Variants in TYW1 observed in about 807,000 individuals in gnomAD.
The protein encoded by TYW1 is S-adenosyl-L-methionine-dependent tRNA 4-demethylwyosine synthase TYW1.
A neutral mutation model predicts 96.2 loss-of-function variants in TYW1; 46 were observed. The observed-to-expected ratio is 0.48, with a 90% confidence interval of 0.38 to 0.61. The LOEUF is 0.61. Ranked by LOEUF, TYW1 falls within the 20% of genes least tolerant of loss-of-function variation. The pLI is 0.00. For missense variants in TYW1, 684 were observed against 909.6 expected, an observed-to-expected ratio of 0.75 and a Z score of 3.19; for synonymous variants, 274 against 323.0, an observed-to-expected ratio of 0.85 and a Z score of 1.63.
chr7:67,066,551 T>C (rs751498049), intron 9 of TYW1, among the ~76,000 whole-genome samples: 4 of 152,196 alleles, frequency 2.6e-5, no homozygotes, highest in Non-Finnish European at 4.4e-5. Context: ...GTCTCAAATA[T>C]GTATGCTCCA....
chr7:67,157,194 T>C (rs547286832), intron 13 of TYW1, among the ~76,000 whole-genome samples: 1 of 152,204 alleles, frequency 6.6e-6, no homozygotes, highest in African/African-American at 2.4e-5. Flanking sequence ...AGAATTCCCA[T>C]GCACACCCCC....
intron 15 of TYW1, among the ~76,000 whole-genome samples, chr7:67,234,595 C>A (rs1801829807): frequency 6.6e-6 from 1 of 151,878 alleles, no homozygotes; most frequent in South Asian, 2.1e-4. Context: ...TTACGGCAGC[C>A]TGAGCTAATA....
intron 4 of TYW1, among the ~76,000 whole-genome samples, chr7:67,013,471 A>G (rs1244490940): frequency 6.6e-5 from 10 of 152,020 alleles, no homozygotes; most frequent in Non-Finnish European, 1.5e-5. Flanking sequence ...GCCTGAGGAG[A>G]TGGTAATGGA....
intron 1 of TYW1, among the ~76,000 whole-genome samples, chr7:66,997,414 C>G (rs2129234533): frequency 6.6e-6 from 1 of 152,190 alleles, no homozygotes; most frequent in East Asian, 1.9e-4. Flanking sequence ...AAAAAGAGTG[C>G]TTTTACTACT....
At chr7:67,140,145 C>T (rs1798400390) in intron 13 of TYW1, among the ~76,000 whole-genome samples, 1 of 151,966 alleles carries the variant, frequency 6.6e-6, no homozygotes, top group African/African-American at 2.4e-5. Context: ...GAGACTTATT[C>T]ACTATCATGA....
rs187465919 is a variant in TYW1 at position 67,002,416 on chromosome 7, G to C, written c.273+3462G>C. Among the ~76,000 whole-genome samples, 82 of 152,070 alleles carry C rather than the reference G, an allele frequency of 5.4e-4. No individual in the cohort carries two copies. The East Asian group carries it at 7.0e-3, about 13-fold the overall frequency. On this transcript the variant is annotated intron_variant, in intron 3 of 15. Transcript: ENST00000359626. Reference sequence around the variant, plus strand: ...ATTTCTTCATTCTGCTGTTGGATTTGATTGATTCATATTTGGTCGTGTGTA... The same window carrying C: ...ATTTCTTCATTCTGCTGTTGGATTTCATTGATTCATATTTGGTCGTGTGTA...
chr7:67,179,880 C>A (rs1229988540), intron 13 of TYW1, among the ~76,000 whole-genome samples: 1 of 68,974 alleles, frequency 1.4e-5, no homozygotes, highest in Non-Finnish European at 2.9e-5. Flanking sequence ...TTTTTTTTGG[C>A]GGGGGACAGG....
Position 66,996,922 on chromosome 7 carries a change from G to A in TYW1, c.-57G>A, listed in dbSNP as rs2129234043. On this transcript the variant is annotated 5_prime_UTR_variant, in exon 1 of 16. Coordinates refer to ENST00000359626, the MANE Select transcript of TYW1 (RefSeq NM_018264.4). The stretch of plus-strand genomic sequence containing the variant: ...GCTCGGTGCGTCTCGCGGTACCAGT[G>A]CGAATCATCGGGCTATCCAGGTCCG... 2.5e-6 allele frequency: 4 copies of A among 1,613,190 alleles called. No individual in the cohort carries two copies. Among genetic ancestry groups the A allele is most frequent in the East Asian group, 2.2e-5 (1 of 44,854 alleles).
intron 3 of TYW1, among the ~76,000 whole-genome samples, chr7:67,008,840 T>G (rs898508523): frequency 6.6e-6 from 1 of 152,006 alleles, no homozygotes; most frequent in Admixed American, 6.6e-5. Context: ...TTTTGTATTT[T>G]TAGTAGAGAC....
intron 5 of TYW1, among the ~76,000 whole-genome samples, chr7:67,016,078 A>G (rs547383576): frequency 7.9e-5 from 12 of 151,938 alleles, no homozygotes; most frequent in Non-Finnish European, 1.5e-4. Context: ...ATTTTTCTAA[A>G]TGAAATTAAC....
chr7:67,023,159 C>T lies in TYW1; in HGVS notation c.862-1741C>T, dbSNP rs1350230102. On this transcript the variant is annotated intron_variant, in intron 6 of 15. Coordinates refer to ENST00000359626, the MANE Select transcript of TYW1 (RefSeq NM_018264.4). ...TTGCCAAAGCTGGAGTGCAGGGTCA[C>T]GATCTCGGCTCACTGCAACCTCCAC... is the stretch of plus-strand genomic sequence containing the variant. Among the ~76,000 whole-genome samples, 22 of 152,140 alleles carry T rather than the reference C, an allele frequency of 1.4e-4. No individual in the cohort carries two copies. The East Asian group carries it at 3.3e-3, about 23-fold the overall frequency.
chr7:67,128,275 G>A (rs1797962422), intron 13 of TYW1, among the ~76,000 whole-genome samples: 1 of 152,034 alleles, frequency 6.6e-6, no homozygotes, highest in South Asian at 2.1e-4. Flanking sequence ...AGAGGTTTCT[G>A]TTGAGAATCC....
intron 15 of TYW1, among the ~76,000 whole-genome samples, chr7:67,199,902 G>A (rs1161991439): frequency 7.0e-6 from 1 of 142,386 alleles, no homozygotes; most frequent in African/African-American, 2.7e-5. Context: ...AACCCATCAA[G>A]AAAGAAAGAG....
At chr7:67,089,530 T>C (rs1796650520) in intron 11 of TYW1, 2 of 714,676 alleles carry the variant, frequency 2.8e-6, no homozygotes, top group East Asian at 2.8e-5. Flanking sequence ...TAGGGTGAGT[T>C]CCCACCCCAT....
chr7:67,211,645 A>C (rs931406997), intron 15 of TYW1, among the ~76,000 whole-genome samples: 2 of 152,192 alleles, frequency 1.3e-5, no homozygotes, highest in African/African-American at 4.8e-5. Context: ...CCATCTCCCC[A>C]TGGGTCATTC....
chr7:67,097,966 G>T (rs1050768318), intron 11 of TYW1, among the ~76,000 whole-genome samples: 22 of 151,998 alleles, frequency 1.4e-4, no homozygotes, highest in African/African-American at 5.1e-4. Flanking sequence ...CTCCCAAAGT[G>T]CTGGGATTAC....
At chr7:67,093,885 T>G (rs188148966) in intron 11 of TYW1, among the ~76,000 whole-genome samples, 1 of 152,214 alleles carries the variant, frequency 6.6e-6, no homozygotes, top group Non-Finnish European at 1.5e-5. Context: ...TAGGGGTACA[T>G]GTGCATGTTA....
intron 13 of TYW1, among the ~76,000 whole-genome samples, chr7:67,128,961 T>C (rs1485341388): frequency 1.3e-5 from 2 of 152,154 alleles, no homozygotes; most frequent in Admixed American, 6.5e-5. Context: ...AGTGCTGGGA[T>C]TACAGGTGTG....
intron 13 of TYW1, among the ~76,000 whole-genome samples, chr7:67,118,485 T>C (rs1353819902): frequency 6.6e-6 from 1 of 152,078 alleles, no homozygotes; most frequent in African/African-American, 2.4e-5. Flanking sequence ...TTTTAAATAT[T>C]TGTGTGACTT....
Sources: gnomAD v4.1 joint callset for allele counts (sites outside exome capture counted in the v4.1 genomes callset) on GRCh38, gnomAD v4.1.1 for gene constraint, MANE v1.5 for transcripts, NCBI Gene and HGNC (gene_info 2026-07-23, HGNC 2026-07-21) for gene names.